GRIK2: variants seen among roughly 807,000 people sequenced by gnomAD.
GRIK2 encodes glutamate ionotropic receptor kainate type subunit 2, also known as glutamate receptor ionotropic, kainate 2.
In GRIK2, 32 loss-of-function variants were observed where a neutral mutation model predicts 100.3. The ratio of observed to expected loss-of-function variants is 0.32; its 90% CI spans 0.24 to 0.43. The LOEUF is 0.43. GRIK2 is among the 20% of genes least tolerant of loss of function. The pLI, the probability that GRIK2 is intolerant of heterozygous loss-of-function variation, is 1.00. For missense variants in GRIK2, 843 were observed against 1,114.9 expected (o/e 0.76, Z 3.47); for synonymous variants, 417 against 389.4 (o/e 1.07, Z -0.83).
At chr6:101,404,099 T>A (rs1775479619) in intron 2 of GRIK2, among the ~76,000 whole-genome samples, 2 of 152,248 alleles carry the variant, frequency 1.3e-5, no homozygotes, top group African/African-American at 4.8e-5. Flanking sequence ...TTTGTGAGAT[T>A]GTCTTTCAGA....
chr6:101,546,608 C>T (rs1378424653), intron 2 of GRIK2, among the ~76,000 whole-genome samples: 1 of 152,040 alleles, frequency 6.6e-6, no homozygotes, highest in Admixed American at 6.6e-5. Flanking sequence ...GTTCTTACCA[C>T]ACAAGAGTGT....
chr6:101,588,446 C>A (rs1778480667), intron 2 of GRIK2, among the ~76,000 whole-genome samples: 1 of 53,236 alleles, frequency 1.9e-5, no homozygotes, highest in South Asian at 9.6e-4. Flanking sequence ...CCATAAATAT[C>A]TTTATGTTCA....
chr6:101,878,844 A>C (rs1786050178), intron 11 of GRIK2, among the ~76,000 whole-genome samples: 2 of 151,882 alleles, frequency 1.3e-5, no homozygotes, highest in South Asian at 4.1e-4. Flanking sequence ...CACTTATTTT[A>C]AGAGTCTGGT....
At chr6:101,587,491 A>G (rs574814979) in intron 2 of GRIK2, among the ~76,000 whole-genome samples, 1 of 152,228 alleles carries the variant, frequency 6.6e-6, no homozygotes, top group Admixed American at 6.5e-5. Flanking sequence ...TTCCAGAAGG[A>G]GCTGAGAGAA....
At chr6:101,556,534 T>C (rs982715270) in intron 2 of GRIK2, among the ~76,000 whole-genome samples, 1 of 151,870 alleles carries the variant, frequency 6.6e-6, no homozygotes, top group Non-Finnish European at 1.5e-5. Flanking sequence ...TTTTTTTAAA[T>C]GTTCAATTAT....
intron 2 of GRIK2, among the ~76,000 whole-genome samples, chr6:101,555,821 C>T (rs1480288715): frequency 2.0e-5 from 3 of 151,978 alleles, no homozygotes; most frequent in Admixed American, 6.6e-5. Context: ...CAAATAAAAA[C>T]ATAGGTTATG....
rs963755186 is a variant in GRIK2 at position 101,547,294 on chromosome 6, A to AT, written c.116-74649dup. 6.1e-5 allele frequency among the ~76,000 whole-genome samples: 9 copies of AT among 147,262 alleles called. No individual in the cohort carries two copies. In the Admixed American group the frequency reaches 6.2e-4, roughly 10 times the overall value. On this transcript the variant is annotated intron_variant, in intron 2 of 16. Transcript: ENST00000369134. ...ATTGCGAACCTATAATAGTCTGTGC[A>AT]TTTTTTATTAGCAGTTTCTTTTTTT...
chr6:101,407,342 G>A (rs934648840), intron 2 of GRIK2, among the ~76,000 whole-genome samples: 1 of 152,078 alleles, frequency 6.6e-6, no homozygotes, highest in African/African-American at 2.4e-5. Flanking sequence ...AAGTTTAGAG[G>A]TGAATTGCCA....
chr6:102,026,978 G>A (rs556912956), intron 14 of GRIK2, among the ~76,000 whole-genome samples: 1 of 151,160 alleles, frequency 6.6e-6, no homozygotes, highest in Non-Finnish European at 1.5e-5. Flanking sequence ...GGGCTCAGCT[G>A]TTCTTACCTA....
At chr6:101,724,919 T>A (rs1774752954) in intron 7 of GRIK2, among the ~76,000 whole-genome samples, 1 of 152,032 alleles carries the variant, frequency 6.6e-6, no homozygotes, top group Admixed American at 6.6e-5. Context: ...CATGGGTATC[T>A]CACTGAAGGA....
At chr6:101,813,888 C>T (rs1313104770) in intron 9 of GRIK2, among the ~76,000 whole-genome samples, 1 of 150,868 alleles carries the variant, frequency 6.6e-6, no homozygotes, top group Admixed American at 6.6e-5. Context: ...TGCTTGAACC[C>T]AGGAAGTAGA....
intron 14 of GRIK2, among the ~76,000 whole-genome samples, chr6:101,958,284 G>T (rs202052177): frequency 0.016 from 308 of 18,868 alleles, 1 homozygote; most frequent in African/African-American, 0.042. Flanking sequence ...TGTGTGTGTG[G>T]GTCCATTGCA....
chr6:101,427,436 G>A (rs1253626676), intron 2 of GRIK2, among the ~76,000 whole-genome samples: 1 of 152,112 alleles, frequency 6.6e-6, no homozygotes, highest in Non-Finnish European at 1.5e-5. Flanking sequence ...AGTTACATAT[G>A]GTTACCTAAG....
At chr6:101,565,533 C>T (rs541763822) in intron 2 of GRIK2, among the ~76,000 whole-genome samples, 47 of 152,108 alleles carry the variant, frequency 3.1e-4, no homozygotes, top group African/African-American at 9.2e-4. Flanking sequence ...GTATTCACTC[C>T]ACTTCCTTTT....
intron 10 of GRIK2, among the ~76,000 whole-genome samples, chr6:101,832,036 T>C (rs1462974018): frequency 6.6e-6 from 1 of 152,140 alleles, no homozygotes; most frequent in Non-Finnish European, 1.5e-5. Flanking sequence ...TCAGTCTTTA[T>C]AAATGTTAAT....
At chr6:101,632,356 T>C (rs1050674291) in intron 4 of GRIK2, among the ~76,000 whole-genome samples, 5 of 152,158 alleles carry the variant, frequency 3.3e-5, no homozygotes, top group African/African-American at 1.2e-4. Context: ...CTCACTGTTT[T>C]ATCACCAGCA....
At chr6:101,821,445 A>G (rs1271174110) in intron 10 of GRIK2, among the ~76,000 whole-genome samples, 1 of 152,118 alleles carries the variant, frequency 6.6e-6, no homozygotes, top group Admixed American at 6.6e-5. Context: ...TTCACAGGTA[A>G]CACAAATCTA....
intron 7 of GRIK2, among the ~76,000 whole-genome samples, chr6:101,690,858 T>C (rs1319144355): frequency 6.6e-6 from 1 of 152,220 alleles, no homozygotes; most frequent in Non-Finnish European, 1.5e-5. Flanking sequence ...TCAGGTTTTC[T>C]GTTACCTTTT....
At chr6:101,704,827 T>C (rs1582993030) in intron 7 of GRIK2, among the ~76,000 whole-genome samples, 1 of 151,224 alleles carries the variant, frequency 6.6e-6, no homozygotes, top group South Asian at 2.1e-4. Context: ...TTATTATAAC[T>C]AAACAAGGAA....
Sources: gnomAD v4.1 joint callset for allele counts (sites outside exome capture counted in the v4.1 genomes callset) on GRCh38, gnomAD v4.1.1 for gene constraint, MANE v1.5 for transcripts, NCBI Gene and HGNC (gene_info 2026-07-23, HGNC 2026-07-21) for gene names.